HIF1A: variants seen among roughly 807,000 people sequenced by gnomAD.
The protein encoded by HIF1A is hypoxia inducible factor 1 subunit alpha.
Under a neutral mutation model 92.7 loss-of-function variants are expected in HIF1A, and 24 were observed. The ratio of observed to expected loss-of-function variants is 0.26; its 90% CI spans 0.19 to 0.36. The LOEUF (loss-of-function observed/expected upper bound fraction) is 0.36, where lower values mean the gene tolerates loss of function less well. HIF1A is among the 10% of genes least tolerant of loss of function. The pLI is 1.00. For missense variants in HIF1A, 799 were observed against 998.5 expected, an observed-to-expected ratio of 0.80 and a Z score of 2.69; for synonymous variants, 319 against 338.7, an observed-to-expected ratio of 0.94 and a Z score of 0.64.
intron 13 of HIF1A, 47 bp downstream of exon 13, chr14:61,744,860 CGTGTGT>C (rs60361955): frequency 0.15 from 75,560 of 494,618 alleles, 557 homozygotes; most frequent in East Asian, 0.3. Context: ...TGTGCTATTT[CGTGTGT>C]GTGTGTGTGT....
chr14:61,697,648 G>A, intron 1 of HIF1A: 3 of 1,151,708 alleles, frequency 2.6e-6, no homozygotes, highest in African/African-American at 3.2e-5. Context: ...ACCTTGGATT[G>A]GATGGATTCA....
chr14:61,727,394 C>CTT, intron 5 of HIF1A, 59 bp from the exon 6 acceptor site: 4 of 1,272,652 alleles, frequency 3.1e-6, no homozygotes, highest in Non-Finnish European at 4.6e-6. Context: ...CTTATCTCTG[C>CTT]TTTTTTTTTC....
intron 1 of HIF1A, chr14:61,697,749 T>C (rs1027287114): frequency 5.7e-6 from 8 of 1,406,996 alleles, no homozygotes; most frequent in Non-Finnish European, 6.4e-6. Flanking sequence ...AGATGCTGTT[T>C]ATAATAGATG....
At chr14:61,700,586 G>T (rs1375949225) in intron 1 of HIF1A, among the ~76,000 whole-genome samples, 1 of 152,060 alleles carries the variant, frequency 6.6e-6, no homozygotes, top group Non-Finnish European at 1.5e-5. Flanking sequence ...CTTGGTTATT[G>T]TGCTGCTCTG....
intron 1 of HIF1A, chr14:61,697,722 G>A (rs1191631206): frequency 1.5e-6 from 2 of 1,296,178 alleles, no homozygotes; most frequent in Non-Finnish European, 2.0e-6. Flanking sequence ...AATAAGTGGT[G>A]GTTACTCAGC....
intron 12 of HIF1A, among the ~76,000 whole-genome samples, chr14:61,741,493 G>T (rs7152775): frequency 7.0e-4 from 106 of 151,620 alleles, no homozygotes; most frequent in Middle Eastern, 6.8e-3. Context: ...AGCCTCCCGA[G>T]TAGCTGGGAT....
At position 61,697,832 on chromosome 14, in the gene HIF1A, AT is replaced by A. The variant is rs113243889; in HGVS notation, c.35+2003del. 6,283 of 1,402,824 alleles carry A rather than the reference AT, an allele frequency of 4.5e-3. 174 individuals carry two copies. The African/African-American group carries it at 0.066, about 15-fold the overall frequency. 86.9% of individuals were successfully genotyped at this position (1,402,824 alleles called of 1,614,324 possible). ...GAGGGACGGAGATTTTCTTCAAGCA[AT>A]TTTTTTTTTCATTTTAAATGAGCTC... is the stretch of plus-strand genomic sequence containing the variant. On this transcript the variant is annotated intron_variant, in intron 1 of 14. Coordinates refer to ENST00000337138, the MANE Select transcript of HIF1A (RefSeq NM_001530.4).
chr14:61,741,303 C>A, intron 12 of HIF1A, 115 bp downstream of exon 12: 1 of 633,054 alleles, frequency 1.6e-6, no homozygotes, highest in Non-Finnish European at 2.6e-6. Flanking sequence ...TGCCCTAACG[C>A]AAATTCTTGA....
At chr14:61,724,431 T>G (rs1004943329) in intron 4 of HIF1A, among the ~76,000 whole-genome samples, 1 of 147,702 alleles carries the variant, frequency 6.8e-6, no homozygotes, top group African/African-American at 2.5e-5. Flanking sequence ...TCTCATGGCA[T>G]CTTTTAAAAA....
At chr14:61,714,983 G>A (rs538017266) in intron 1 of HIF1A, among the ~76,000 whole-genome samples, 2 of 152,132 alleles carry the variant, frequency 1.3e-5, no homozygotes, top group Admixed American at 1.3e-4. Flanking sequence ...GCAGTGAGCC[G>A]AGATCGCGCC....
intron 1 of HIF1A, chr14:61,697,633 T>C (rs2044131570): frequency 4.5e-6 from 5 of 1,120,960 alleles, no homozygotes; most frequent in Non-Finnish European, 4.4e-6. Context: ...TTTGAAAACT[T>C]GGCAACCTTG....
At chr14:61,735,594 G>T (rs186694995) in intron 8 of HIF1A, among the ~76,000 whole-genome samples, 39 of 152,164 alleles carry the variant, frequency 2.6e-4, no homozygotes, top group East Asian at 1.5e-3. Context: ...TAAGGTCAAG[G>T]GTTGGCTATT....
intron 14 of HIF1A, among the ~76,000 whole-genome samples, chr14:61,746,224 C>CAAAAAAAAA (rs912286333): frequency 1.4e-5 from 1 of 69,446 alleles, no homozygotes; most frequent in Admixed American, 1.6e-4. Flanking sequence ...GACTCTGCCT[C>CAAAAAAAAA]AAAAAAAAAA....
chr14:61,735,993 C>CTTTTTTTTTT (rs10658676), intron 8 of HIF1A, among the ~76,000 whole-genome samples: 5 of 144,188 alleles, frequency 3.5e-5, no homozygotes, highest in Non-Finnish European at 1.5e-5. Context: ...TTCTTTTTTT[C>CTTTTTTTTTT]TTTTTTTTTT....
intron 12 of HIF1A, among the ~76,000 whole-genome samples, 193 bp from the exon 13 acceptor site, chr14:61,744,512 C>T (rs1190079227): frequency 1.8e-5 from 1 of 55,952 alleles, no homozygotes; most frequent in African/African-American, 4.4e-5. Flanking sequence ...GACCGTGTTT[C>T]ACCAAAAAAA....
At chr14:61,744,657 T>A (rs2044754765) in intron 12 of HIF1A, 48 bp from the exon 13 acceptor site, 1 of 752,772 alleles carries the variant, frequency 1.3e-6, no homozygotes. Flanking sequence ...TCACTGGATA[T>A]TTTTTTTAAA....
Position 61,741,461 on chromosome 14 carries a change from G to C in HIF1A, c.2093+273G>C, listed in dbSNP as rs1047630105. On this transcript the variant is annotated intron_variant, in intron 12 of 14. Coordinates refer to ENST00000337138, the MANE Select transcript of HIF1A (RefSeq NM_001530.4). ...GCTCACGGCAACCTCTGCCTCCTGG[G>C]TGCAAGAGATTCTCCTGCCTCAGCC... Among the ~76,000 whole-genome samples the C allele has an allele frequency of 2.0e-5, 3 of 151,492 alleles. No individual in the cohort carries two copies. The South Asian group carries it at 6.3e-4, about 32-fold the overall frequency.
intron 1 of HIF1A, chr14:61,697,782 T>G: frequency 1.4e-6 from 2 of 1,446,628 alleles, no homozygotes; most frequent in Non-Finnish European, 1.8e-6. Context: ...TAATTTACAG[T>G]TTTTTGAAAG....
chr14:61,719,931 C>A (rs1450076275), intron 1 of HIF1A, among the ~76,000 whole-genome samples: 2 of 152,172 alleles, frequency 1.3e-5, no homozygotes, highest in Non-Finnish European at 2.9e-5. Context: ...GTAGCTATTA[C>A]CGTTCTACCT....
Sources: allele counts gnomAD v4.1 joint callset (sites outside exome capture counted in the v4.1 genomes callset), GRCh38; gene constraint gnomAD v4.1.1; transcripts MANE v1.5; gene names NCBI Gene and HGNC (gene_info 2026-07-23, HGNC 2026-07-21).